ABCB11: variants seen among roughly 807,000 people sequenced by gnomAD.
ABCB11 encodes bile salt export pump.
ABCB11 carries 95 observed loss-of-function variants against 148.0 expected under a neutral mutation model. That is an observed-to-expected ratio of 0.64 (90% confidence interval 0.54 to 0.76). The LOEUF is 0.76. Among genes scored for constraint, ABCB11 ranks in the 30% least tolerant of loss-of-function variants. The probability of loss-of-function intolerance (pLI) is 0.00; values close to 1 mark genes in which losing one functional copy is unlikely to be tolerated. For synonymous variants in ABCB11, 591 were observed against 555.4 expected (o/e 1.06, Z -0.90); for missense variants, 1,523 against 1,617.8 (o/e 0.94, Z 1.01).
intron 25 of ABCB11, among the ~76,000 whole-genome samples, chr2:168,929,009 C>G (rs1691445033): frequency 6.6e-6 from 1 of 151,950 alleles, no homozygotes; most frequent in African/African-American, 2.4e-5. Context: ...TCAAAATTTT[C>G]TTAGCATTTC....
At position 168,970,107 on chromosome 2, in the gene ABCB11, C is replaced by T; in HGVS notation, c.1747G>A (p.Asp583Asn). 1 of 1,612,952 alleles carries T rather than the reference C, an allele frequency of 6.2e-7. No individual in the cohort carries two copies. The highest frequency in any genetic ancestry group is 8.5e-7 in the Non-Finnish European group (1 of 1,179,278). Residue 583 changes from aspartate (D) to asparagine (N), a missense_variant, in exon 15 of 28, where the codon GAC becomes AAC. By Grantham distance (23) the Asp-to-Asn change is conservative (BLOSUM62 1). Coordinates refer to ENST00000650372, the MANE Select transcript of ABCB11 (RefSeq NM_003742.4). Reference protein sequence around the residue: ...LIRNPKILLLDMATSALDNES... With the variant: ...LIRNPKILLLNMATSALDNES... ...TTGTCCAGAGCTGAGGTGGCCATGT[C>T]CAAAAGCAGAATCTTGGGATTTCGG... is the stretch of plus-strand genomic sequence containing the variant.
chr2:168,951,762 C>T lies in ABCB11; in HGVS notation c.2343+6202G>A, dbSNP rs1692580946. Among the ~76,000 whole-genome samples, 3 of 151,450 alleles carry T rather than the reference C, an allele frequency of 2.0e-5. No homozygotes were observed. The South Asian group carries it at 6.2e-4, about 31-fold the overall frequency. On this transcript the variant is annotated intron_variant, in intron 19 of 27. Transcript: ENST00000650372. ...ATTTTTTTTCTCTTGCCTGATTGCT[C>T]TGGCAAGGACTTCCAGTACTATGTT...
chr2:168,986,333 T>C (rs779587201), intron 9 of ABCB11, 49 bp from the exon 10 acceptor site: 2 of 1,517,776 alleles, frequency 1.3e-6, no homozygotes, highest in Non-Finnish European at 1.8e-6. Context: ...CAGCTCAAGT[T>C]ATAATGTTTA....
chr2:168,929,416 A>G (rs1691466643), intron 25 of ABCB11, among the ~76,000 whole-genome samples: 1 of 152,156 alleles, frequency 6.6e-6, no homozygotes, highest in African/African-American at 2.4e-5. Context: ...AAAAAAAGAA[A>G]CCTTTCAGAA....
chr2:168,959,396 T>C (rs527373419), intron 18 of ABCB11, among the ~76,000 whole-genome samples: 1 of 151,732 alleles, frequency 6.6e-6, no homozygotes, highest in East Asian at 2.0e-4. Flanking sequence ...TGGGAAAGCA[T>C]GAGTGTAATA....
At chr2:168,918,303 G>A (rs74927597), downstream of ABCB11, among the ~76,000 whole-genome samples, 1,663 of 152,312 alleles carry the variant, frequency 0.011, 37 homozygotes, top group African/African-American at 0.038. Context: ...GGCAGTCTCT[G>A]CCCTCAAAGA....
intron 1 of ABCB11, among the ~76,000 whole-genome samples, chr2:169,024,712 T>A (rs1695642188): frequency 6.6e-6 from 1 of 152,314 alleles, no homozygotes; most frequent in East Asian, 1.9e-4. Flanking sequence ...AATGTTATAT[T>A]AAGTTGTCAT....
chr2:168,950,222 A>G (rs1692502010), intron 19 of ABCB11, among the ~76,000 whole-genome samples: 1 of 151,238 alleles, frequency 6.6e-6, no homozygotes, highest in South Asian at 2.1e-4. Flanking sequence ...ATATGTGTAT[A>G]TGTGTGTGTG....
chr2:168,993,695 A>G lies in ABCB11; in HGVS notation c.783+16T>C. 1 of 1,603,088 alleles carries G rather than the reference A, an allele frequency of 6.2e-7. No individual in the cohort carries two copies. ...CAAATGTCTTCCCATGGAGAGATGCAAAAAGACATTCTTACCAGACCAATG... is the reference window on the plus strand; with the variant it reads ...CAAATGTCTTCCCATGGAGAGATGCGAAAAGACATTCTTACCAGACCAATG... On this transcript the variant is annotated intron_variant, in intron 8 of 27. Transcript: ENST00000650372.
intron 1 of ABCB11, among the ~76,000 whole-genome samples, chr2:169,025,015 C>G (rs1432426496): frequency 6.7e-6 from 1 of 149,832 alleles, no homozygotes; most frequent in East Asian, 2.0e-4. Context: ...GAAGTTTTAA[C>G]CAAATTTTTT....
intron 12 of ABCB11, among the ~76,000 whole-genome samples, chr2:168,974,302 T>C (rs2105969274): frequency 6.6e-6 from 1 of 152,170 alleles, no homozygotes; most frequent in East Asian, 1.9e-4. Flanking sequence ...GTCATGTGTA[T>C]GGTGTATGAA....
intron 19 of ABCB11, among the ~76,000 whole-genome samples, chr2:168,957,004 T>C (rs575008759): frequency 6.6e-6 from 1 of 151,806 alleles, no homozygotes; most frequent in Non-Finnish European, 1.5e-5. Flanking sequence ...CCATCCCTTG[T>C]TTGATGAATC....
chr2:168,986,098 A>C lies in ABCB11; in HGVS notation c.1083+12T>G, dbSNP rs1464096172. ...AGGAAATGCTATGTCTCGGTCAATA[A>C]GTCCAAGGTACCTGGACAAGGGTTC... On this transcript the variant is annotated intron_variant, in intron 10 of 27. Coordinates refer to ENST00000650372, the MANE Select transcript of ABCB11 (RefSeq NM_003742.4). The C allele has an allele frequency of 2.9e-5, 45 of 1,545,492 alleles. No homozygotes were observed. The highest frequency in any genetic ancestry group is 3.9e-5 in the Non-Finnish European group (45 of 1,143,780).
chr2:168,926,529 G>T (rs579060), intron 26 of ABCB11, among the ~76,000 whole-genome samples: 111,489 of 152,082 alleles, frequency 0.73, 41,623 homozygotes, highest in East Asian at 0.97. Flanking sequence ...AATCTCAGGT[G>T]TTTCCCCACT....
Position 168,986,300 on chromosome 2 carries a change from G to A in ABCB11, c.909-16C>T, listed in dbSNP as rs111760947. 1.1e-5 allele frequency: 17 copies of A among 1,607,320 alleles called. No homozygotes were observed. The highest frequency in any genetic ancestry group is 8.0e-5 in the African/African-American group (6 of 74,708). On this transcript the variant is annotated splice_polypyrimidine_tract_variant and intron_variant, in intron 9 of 27. Transcript: ENST00000650372. Reference sequence around the variant, plus strand: ...TTTCTCATACCTGTGAAGACAAAATGCTTGAGTCAATTTCGGCAGAAACAG... The same window carrying A: ...TTTCTCATACCTGTGAAGACAAAATACTTGAGTCAATTTCGGCAGAAACAG...
At position 168,970,139 on chromosome 2, in the gene ABCB11, G is replaced by A. The variant is rs748529595; in HGVS notation, c.1715C>T (p.Ala572Val). Residue 572 changes from alanine to valine, a missense_variant, in exon 15 of 28, where the codon GCC becomes GTC. Transcript: ENST00000650372. ...GQKQRVAIAR[A>V]LIRNPKILLL... Reference sequence around the variant, plus strand: ...CAGAATCTTGGGATTTCGGATGAGGGCTCTGGCGATAGCTACCCTTTGTTT... The same window carrying A: ...CAGAATCTTGGGATTTCGGATGAGGACTCTGGCGATAGCTACCCTTTGTTT... 3.7e-6 allele frequency: 6 copies of A among 1,612,974 alleles called. No individual in the cohort carries two copies. Among genetic ancestry groups the A allele is most frequent in the Non-Finnish European group, 5.1e-6 (6 of 1,179,316 alleles).
At chr2:168,938,969 T>C (rs1691950344) in intron 21 of ABCB11, among the ~76,000 whole-genome samples, 1 of 152,066 alleles carries the variant, frequency 6.6e-6, no homozygotes, top group African/African-American at 2.4e-5. Flanking sequence ...TTTGACTTTT[T>C]TTCACTTATC....
intron 8 of ABCB11, 36 bp downstream of exon 8, chr2:168,993,675 G>A (rs1694617573): frequency 3.8e-6 from 6 of 1,585,936 alleles, no homozygotes; most frequent in Non-Finnish European, 5.2e-6. Context: ...GAAGGCAAAT[G>A]TCTTCCCATG....
intron 6 of ABCB11, among the ~76,000 whole-genome samples, chr2:168,995,975 T>TAAAAAAAA (rs3083997): frequency 1.1e-4 from 7 of 63,028 alleles, no homozygotes; most frequent in East Asian, 5.2e-4. Context: ...TTTCCCTAAC[T>TAAAAAAAA]AAAAAAAAAA....
Sources: gnomAD v4.1 joint callset for allele counts (sites outside exome capture counted in the v4.1 genomes callset) on GRCh38, gnomAD v4.1.1 for gene constraint, MANE v1.5 for transcripts, NCBI Gene and HGNC (gene_info 2026-07-23, HGNC 2026-07-21) for gene names.